Variants in CLMP observed in about 807,000 individuals in gnomAD.
The protein encoded by CLMP is CXADR like cell adhesion molecule.
Under a neutral mutation model 45.2 loss-of-function variants are expected in CLMP, and 27 were observed. That is an observed-to-expected ratio of 0.60 (90% CI 0.44 to 0.82). The LOEUF is 0.82. Among genes scored for constraint, CLMP ranks in the 40% least tolerant of loss-of-function variants. CLMP has a pLI of 0.00. For synonymous variants in CLMP, 167 were observed against 171.4 expected, an observed-to-expected ratio of 0.97 and a Z score of 0.20; for missense variants, 403 against 448.4, an observed-to-expected ratio of 0.90 and a Z score of 0.91.
At chr11:123,074,676 T>G in intron 6 of CLMP, 26 bp downstream of exon 6, 1 of 1,611,424 alleles carries the variant, frequency 6.2e-7, no homozygotes, top group Non-Finnish European at 8.5e-7. Flanking sequence ...AGAAGCCCCG[T>G]AAAAGTAGGG....
intron 2 of CLMP, among the ~76,000 whole-genome samples, chr11:123,095,300 CT>C (rs11284383): frequency 0.4 from 59,930 of 148,838 alleles, 13,516 homozygotes; most frequent in African/African-American, 0.63. Context: ...TCCAGTGAAA[CT>C]TTTTTTTTTT....
At chr11:123,109,795 C>T (rs1485693275) in intron 1 of CLMP, among the ~76,000 whole-genome samples, 2 of 152,186 alleles carry the variant, frequency 1.3e-5, no homozygotes, top group Non-Finnish European at 2.9e-5. Context: ...ATGTTCCAAA[C>T]ACCGAGTAAC....
chr11:123,129,878 C>T (rs753056522), intron 1 of CLMP, among the ~76,000 whole-genome samples: 3 of 150,788 alleles, frequency 2.0e-5, no homozygotes, highest in Non-Finnish European at 4.4e-5. Context: ...CGGTGTTTCA[C>T]ATCTAATCCA....
rs1319688743 is a variant in CLMP, at chr11:123,074,989, C to T, written c.680-146G>A. Reference sequence around the variant, plus strand: ...TTTTTTTTTGAGACGGAGTTTCACTCTTGTTGCCCAGGCTGGGGTGCAGTG... The same window carrying T: ...TTTTTTTTTGAGACGGAGTTTCACTTTTGTTGCCCAGGCTGGGGTGCAGTG... On this transcript the variant is annotated intron_variant, in intron 5 of 6. Transcript: ENST00000448775. 5 of 946,766 alleles carry T rather than the reference C, an allele frequency of 5.3e-6. No individual in the cohort carries two copies. In the African/African-American group the frequency reaches 8.4e-5, roughly 16 times the overall value. The allele number at this position is 946,766 out of a possible 1,614,324, so 58.6% of individuals were successfully genotyped here. A position where few individuals can be genotyped will look rare whatever the true frequency, so the allele number is the denominator to read the frequency against.
chr11:123,090,250 C>T (rs11218975), intron 2 of CLMP, among the ~76,000 whole-genome samples: 1,507 of 149,538 alleles, frequency 0.01, 29 homozygotes, highest in African/African-American at 0.035. Flanking sequence ...TTGAGACCAG[C>T]CTGGCCAACA....
intron 6 of CLMP, among the ~76,000 whole-genome samples, chr11:123,074,321 T>G (rs1035877128): frequency 6.6e-6 from 1 of 151,870 alleles, no homozygotes; most frequent in African/African-American, 2.4e-5. Flanking sequence ...ACTACAGGCA[T>G]GGGCTACCAT....
intron 3 of CLMP, 82 bp downstream of exon 3, chr11:123,084,430 G>T: frequency 8.9e-7 from 1 of 1,120,614 alleles, no homozygotes; most frequent in Non-Finnish European, 1.3e-6. Context: ...ATGATGTTTT[G>T]TACCACCGTG....
At chr11:123,128,841 C>G (rs1255994258) in intron 1 of CLMP, among the ~76,000 whole-genome samples, 1 of 152,150 alleles carries the variant, frequency 6.6e-6, no homozygotes, top group African/African-American at 2.4e-5. Context: ...TGGCTAAGAG[C>G]TCTGTGAACA....
At chr11:123,147,974 G>A (rs951372497) in intron 1 of CLMP, among the ~76,000 whole-genome samples, 2 of 152,120 alleles carry the variant, frequency 1.3e-5, no homozygotes, top group Non-Finnish European at 1.5e-5. Flanking sequence ...CACCGTGCGT[G>A]GCTTAGACAC....
chr11:123,082,963 C>A (rs896403113), intron 5 of CLMP, 122 bp downstream of exon 5: 1 of 1,194,560 alleles, frequency 8.4e-7, no homozygotes, highest in African/African-American at 1.5e-5. Flanking sequence ...ATAGCCATAT[C>A]CTTCTGGAGA....
rs776582646 is a variant in CLMP at position 123,083,688 on chromosome 11, G to A, written c.548C>T (p.Ser183Phe). ...GTAGGAAGATGACTTACCAATCCTA[G>A]ATTTGGGAGGCAGACGTTCATCCTC... is the stretch of plus-strand genomic sequence containing the variant. ...EGEDERLPPK[S>F]RIDYNHPGRV... is the part of the protein sequence containing the mutation. Residue 183 changes from serine (S) to phenylalanine (F), a missense_variant, in exon 4 of 7, where the codon TCT becomes TTT. Transcript: ENST00000448775. The A allele has an allele frequency of 6.2e-7, 1 of 1,614,032 alleles. No individual in the cohort carries two copies. The highest frequency in any genetic ancestry group is 1.1e-5 in the South Asian group (1 of 91,076).
chr11:123,139,645 T>C (rs1239774946), intron 1 of CLMP, among the ~76,000 whole-genome samples: 1 of 151,938 alleles, frequency 6.6e-6, no homozygotes, highest in Non-Finnish European at 1.5e-5. Flanking sequence ...GCCAACATGG[T>C]GAAACCTCGT....
chr11:123,098,023 C>T, intron 1 of CLMP, 71 bp from the exon 2 acceptor site: 1 of 1,294,676 alleles, frequency 7.7e-7, no homozygotes, highest in Non-Finnish European at 1.0e-6. Context: ...AATATGACAA[C>T]AAAGAATTAT....
At chr11:123,191,026 A>G (rs1051826163) in intron 1 of CLMP, among the ~76,000 whole-genome samples, 3 of 152,218 alleles carry the variant, frequency 2.0e-5, no homozygotes. Flanking sequence ...TCCAAGGAAA[A>G]GTATCAGGAG....
chr11:123,084,478 A>T, intron 3 of CLMP, 34 bp downstream of exon 3: 1 of 1,549,802 alleles, frequency 6.5e-7, no homozygotes, highest in East Asian at 2.2e-5. Context: ...CTTAGAAATA[A>T]GCTGTAGACA....
chr11:123,176,010 G>A (rs1861694061), intron 1 of CLMP, among the ~76,000 whole-genome samples: 2 of 152,074 alleles, frequency 1.3e-5, no homozygotes, highest in African/African-American at 4.8e-5. Context: ...CCTCACAGGG[G>A]AGTAAGAAAA....
At chr11:123,116,303 A>G (rs962493631) in intron 1 of CLMP, among the ~76,000 whole-genome samples, 1 of 152,040 alleles carries the variant, frequency 6.6e-6, no homozygotes, top group African/African-American at 2.4e-5. Flanking sequence ...ATGGTGGCTC[A>G]CGCCTGTAAT....
chr11:123,093,215 C>T (rs1018727486), intron 2 of CLMP, among the ~76,000 whole-genome samples: 4 of 151,966 alleles, frequency 2.6e-5, no homozygotes, highest in African/African-American at 9.7e-5. Flanking sequence ...CATCACACAC[C>T]TACTTTTAAG....
At chr11:123,189,897 G>A (rs1861883083) in intron 1 of CLMP, among the ~76,000 whole-genome samples, 1 of 151,790 alleles carries the variant, frequency 6.6e-6, no homozygotes, top group Admixed American at 6.6e-5. Flanking sequence ...AGCTACTCAG[G>A]AGGCTGAGGC....
Sources: allele counts gnomAD v4.1 joint callset (sites outside exome capture counted in the v4.1 genomes callset), GRCh38; gene constraint gnomAD v4.1.1; transcripts MANE v1.5; gene names NCBI Gene and HGNC (gene_info 2026-07-23, HGNC 2026-07-21).